The following NRXN3 variants were observed in gnomAD, a reference collection of about 807,000 sequenced individuals.
The protein encoded by NRXN3 is neurexin 3.
A neutral mutation model predicts 137.6 loss-of-function variants in NRXN3; 32 were observed. The ratio of observed to expected loss-of-function variants is 0.23; its 90% CI spans 0.18 to 0.31. NRXN3 has a LOEUF of 0.31. Ranked by LOEUF, NRXN3 falls within the 10% of genes least tolerant of loss-of-function variation. NRXN3 has a pLI of 1.00. For missense variants in NRXN3, 1,574 were observed against 2,062.5 expected (o/e 0.76, Z 4.59); for synonymous variants, 798 against 784.5 (o/e 1.02, Z -0.29).
intron 10 of NRXN3, among the ~76,000 whole-genome samples, chr14:78,896,667 G>A (rs1310375134): frequency 2.0e-5 from 3 of 151,876 alleles, no homozygotes; most frequent in African/African-American, 7.2e-5. Context: ...TTGGTAGAAA[G>A]AGAAGAGAGA....
chr14:79,564,926 C>T (rs916468383), intron 16 of NRXN3, among the ~76,000 whole-genome samples: 2 of 151,884 alleles, frequency 1.3e-5, no homozygotes, highest in Non-Finnish European at 2.9e-5. Flanking sequence ...AGCTATCTCA[C>T]GATTTCAAAT....
rs534491290 is a variant in NRXN3, at chr14:78,320,845, C to T, written c.757+22985C>T. 7.2e-5 allele frequency among the ~76,000 whole-genome samples: 11 copies of T among 152,214 alleles called. No homozygotes were observed. In the East Asian group the frequency reaches 1.9e-3, roughly 27 times the overall value. The stretch of plus-strand genomic sequence containing the variant: ...AAGATCACCCAGCCCTGGCTGGGTG[C>T]GGTGGCTCATGCCTGTAATCCCAGA... On this transcript the variant is annotated intron_variant, in intron 4 of 20. Coordinates refer to ENST00000335750, the MANE Select transcript of NRXN3 (RefSeq NM_001330195.2).
chr14:78,681,290 G>C (rs2098073265), intron 6 of NRXN3, among the ~76,000 whole-genome samples: 1 of 152,186 alleles, frequency 6.6e-6, no homozygotes. Flanking sequence ...TCTGGAGCGG[G>C]AGTTAGAATC....
At position 79,644,419 on chromosome 14, in the gene NRXN3, TAA is replaced by T. The variant is rs924466364; in HGVS notation, c.3445-19357_3445-19356del. 1.8e-4 allele frequency among the ~76,000 whole-genome samples: 25 copies of T among 135,956 alleles called. 1 individual carries two copies. Among genetic ancestry groups the T allele is most frequent in the African/African-American group, 5.6e-4 (23 of 40,918 alleles). The allele number at this position is 135,956 out of a possible 152,430, so 89.2% of individuals were successfully genotyped here. On this transcript the variant is annotated intron_variant, in intron 16 of 20. Transcript: ENST00000335750. Reference sequence around the variant, plus strand: ...CATATAATGAGAGCAGAGAACTGGATAAAGAGATGTCTGGATCTATTTTTGGC... The same window carrying T: ...CATATAATGAGAGCAGAGAACTGGATAGAGATGTCTGGATCTATTTTTGGC...
At chr14:79,251,825 C>CTTTTCTTT (rs2153376872) in intron 15 of NRXN3, among the ~76,000 whole-genome samples, 1 of 151,544 alleles carries the variant, frequency 6.6e-6, no homozygotes, top group Admixed American at 6.6e-5. Context: ...TGTTTCTTTT[C>CTTTTCTTT]TTTTCTTTTT....
intron 4 of NRXN3, among the ~76,000 whole-genome samples, chr14:78,474,975 C>T (rs2095352887): frequency 6.6e-6 from 1 of 152,126 alleles, no homozygotes; most frequent in African/African-American, 2.4e-5. Flanking sequence ...GTCTAGTGTA[C>T]CCCAGGTGGT....
chr14:78,330,614 C>T (rs145249258), intron 4 of NRXN3, among the ~76,000 whole-genome samples: 1 of 152,166 alleles, frequency 6.6e-6, no homozygotes, highest in East Asian at 1.9e-4. Flanking sequence ...AATGTATTTC[C>T]TTGAAATAAG....
At chr14:78,220,023 G>A (rs1333342842) in intron 1 of NRXN3, among the ~76,000 whole-genome samples, 1 of 152,136 alleles carries the variant, frequency 6.6e-6, no homozygotes, top group Non-Finnish European at 1.5e-5. Flanking sequence ...TAAGAAAATT[G>A]ATTGGATGTG....
intron 15 of NRXN3, among the ~76,000 whole-genome samples, chr14:79,225,478 A>G (rs2070689747): frequency 6.6e-6 from 1 of 152,096 alleles, no homozygotes; most frequent in Admixed American, 6.6e-5. Flanking sequence ...TCATGGAACA[A>G]CTGGCTTATG....
chr14:79,297,321 A>G (rs946961534), intron 15 of NRXN3, among the ~76,000 whole-genome samples: 1 of 152,146 alleles, frequency 6.6e-6, no homozygotes, highest in Non-Finnish European at 1.5e-5. Flanking sequence ...AAGACAGCCA[A>G]TTAAATTTGT....
chr14:78,381,698 G>A (rs1034365103), intron 4 of NRXN3, among the ~76,000 whole-genome samples: 21 of 152,116 alleles, frequency 1.4e-4, no homozygotes, highest in African/African-American at 3.9e-4. Context: ...ATCAATGAGT[G>A]AATGGTTAAA....
chr14:79,155,693 C>T (rs1275000209), intron 15 of NRXN3, among the ~76,000 whole-genome samples: 1 of 151,290 alleles, frequency 6.6e-6, no homozygotes, highest in African/African-American at 2.4e-5. Context: ...AGAATTAGTC[C>T]TCATTTAAAA....
intron 16 of NRXN3, among the ~76,000 whole-genome samples, chr14:79,509,533 T>TTA (rs1380610877): frequency 5.7e-5 from 7 of 123,120 alleles, no homozygotes; most frequent in South Asian, 5.4e-4. Flanking sequence ...TATATATATA[T>TTA]TATATATATG....
chr14:78,416,115 T>A (rs750983025), intron 4 of NRXN3, among the ~76,000 whole-genome samples: 4 of 152,144 alleles, frequency 2.6e-5, no homozygotes, highest in Non-Finnish European at 5.9e-5. Context: ...GTTGGCAGAA[T>A]GGCATGCATG....
chr14:79,827,972 AG>A (rs1384274555), intron 20 of NRXN3, among the ~76,000 whole-genome samples: 1 of 152,136 alleles, frequency 6.6e-6, no homozygotes, highest in African/African-American at 2.4e-5. Flanking sequence ...TTGGGATTAC[AG>A]GCGTGAGCCA....
At chr14:79,071,661 G>A (rs546157444) in intron 15 of NRXN3, among the ~76,000 whole-genome samples, 2 of 152,158 alleles carry the variant, frequency 1.3e-5, no homozygotes, top group African/African-American at 4.8e-5. Flanking sequence ...ATGGTTACCA[G>A]AGGCTGGGAA....
intron 19 of NRXN3, among the ~76,000 whole-genome samples, chr14:79,708,312 A>G (rs2098789397): frequency 6.6e-6 from 1 of 152,170 alleles, no homozygotes; most frequent in Admixed American, 6.5e-5. Context: ...GAAGATGTGT[A>G]TAGGTTACAT....
intron 15 of NRXN3, among the ~76,000 whole-genome samples, chr14:79,362,917 G>A (rs1173170253): frequency 2.0e-5 from 3 of 152,166 alleles, no homozygotes; most frequent in Admixed American, 6.5e-5. Flanking sequence ...TTGGATTTGG[G>A]CAATAGATAA....
intron 15 of NRXN3, among the ~76,000 whole-genome samples, chr14:79,221,149 A>G (rs1012999650): frequency 3.3e-5 from 5 of 152,010 alleles, no homozygotes; most frequent in African/African-American, 1.2e-4. Flanking sequence ...TATCTAGTCT[A>G]TCATTGATGG....
Sources: allele counts gnomAD v4.1 joint callset (sites outside exome capture counted in the v4.1 genomes callset), GRCh38; gene constraint gnomAD v4.1.1; transcripts MANE v1.5; gene names NCBI Gene and HGNC (gene_info 2026-07-23, HGNC 2026-07-21).